Variants in XPO1 observed in about 807,000 individuals in gnomAD.
The protein encoded by XPO1 is exportin-1.
A neutral mutation model predicts 133.3 loss-of-function variants in XPO1; 5 were observed. The observed-to-expected ratio is 0.04, with a 90% CI of 0.02 to 0.08. The LOEUF is 0.08. Among genes scored for constraint, XPO1 ranks in the 10% least tolerant of loss-of-function variants. XPO1 has a pLI of 1.00. For synonymous variants in XPO1, 419 were observed against 408.2 expected, an observed-to-expected ratio of 1.03 and a Z score of -0.32; for missense variants, 506 against 1,267.5, an observed-to-expected ratio of 0.40 and a Z score of 9.12.
intron 3 of XPO1, among the ~76,000 whole-genome samples, chr2:61,524,740 G>T (rs1364446391): frequency 6.6e-6 from 1 of 152,208 alleles, no homozygotes; most frequent in African/African-American, 2.4e-5. Context: ...AACACAGGGA[G>T]ACCCCACTTC....
chr2:61,503,389 C>T (rs1247411927), intron 4 of XPO1, among the ~76,000 whole-genome samples: 5 of 151,330 alleles, frequency 3.3e-5, no homozygotes, highest in African/African-American at 1.2e-4. Context: ...GCATCCTGAG[C>T]AGCTGGGATT....
rs539271028 is a variant in XPO1 at position 61,516,140 on chromosome 2, A to G, written c.301+6471T>C. Among the ~76,000 whole-genome samples the G allele has an allele frequency of 2.4e-3, 345 of 142,888 alleles. 1 individual carries two copies. The highest frequency in any genetic ancestry group is 4.0e-3 in the Non-Finnish European group (261 of 65,146). The allele number at this position is 142,888 out of a possible 152,430, so 93.7% of individuals were successfully genotyped here. ...AACTCCGTCGCAAAATTAAAAAAAA[A>G]CAAAACAAAACAAAACCAACCTTGC... On this transcript the variant is annotated intron_variant, in intron 4 of 24. Coordinates refer to ENST00000401558, the MANE Select transcript of XPO1 (RefSeq NM_003400.4).
rs886752919 is a variant in XPO1, at chr2:61,477,885, A to C, written c.*935T>G. Reference sequence around the variant, plus strand: ...AAATGTTACTTGATGCTTAAACACAAATACCCACTATCATTAATATAGGAA... The same window carrying C: ...AAATGTTACTTGATGCTTAAACACACATACCCACTATCATTAATATAGGAA... On this transcript the variant is annotated 3_prime_UTR_variant, in exon 25 of 25. Transcript: ENST00000401558. 2 of 205,332 alleles carry C rather than the reference A, an allele frequency of 9.7e-6. No homozygotes were observed. Among genetic ancestry groups the C allele is most frequent in the African/African-American group, 4.6e-5 (2 of 43,790 alleles). 12.7% of individuals were successfully genotyped at this position (205,332 alleles called of 1,614,324 possible).
intron 4 of XPO1, among the ~76,000 whole-genome samples, chr2:61,504,793 TTTA>T (rs1697714732): frequency 6.6e-6 from 1 of 152,180 alleles, no homozygotes; most frequent in Non-Finnish European, 1.5e-5. Context: ...TTATATAATT[TTTA>T]TTAACTATGA....
intron 9 of XPO1, 67 bp downstream of exon 9, chr2:61,498,606 A>G: frequency 6.3e-7 from 1 of 1,581,276 alleles, no homozygotes; most frequent in Non-Finnish European, 8.6e-7. Context: ...CAGAGATGAG[A>G]GCTTTACATG....
intron 16 of XPO1, among the ~76,000 whole-genome samples, chr2:61,491,078 G>A (rs1696958768): frequency 6.6e-6 from 1 of 152,052 alleles, no homozygotes; most frequent in Non-Finnish European, 1.5e-5. Context: ...GAACCTGGGA[G>A]GCAGAGGTTG....
rs2104491276 is a variant in XPO1 at position 61,498,762 on chromosome 2, C to T, written c.670G>A (p.Ala224Thr). 6.2e-7 allele frequency: 1 copy of T among 1,614,040 alleles called. No homozygotes were observed. The highest frequency in any genetic ancestry group is 8.5e-7 in the Non-Finnish European group (1 of 1,179,970). The change falls in exon 9 of 25, where the codon GCA (alanine) becomes ACA (threonine). Residue 224 changes from alanine to threonine, a missense_variant. Ala to Thr is a moderately conservative substitution (Grantham distance 58). Around this residue, in one of 6 missense-constraint regions of XPO1, gnomAD observed 134 missense variants for 261.6 expected, o/e 0.51. Coordinates refer to ENST00000401558, the MANE Select transcript of XPO1 (RefSeq NM_003400.4). ...AATCTGAGCAATGTTTCCAAGGTTGCATGTACAAGTGGAGCATTTTGAGAA... is the reference window on the plus strand; with the variant it reads ...AATCTGAGCAATGTTTCCAAGGTTGTATGTACAAGTGGAGCATTTTGAGAA... ...ENSQNAPLVH[A>T]TLETLLRFLN...
rs71405128 is a variant in XPO1, at chr2:61,506,598, C to CAAAAAA, written c.302-4294_302-4289dup. ...TGGGCGACAGAGCAAGATTCCGTCT[C>CAAAAAA]AAAAAAAAAAAAAAAAATCCAATGT... On this transcript the variant is annotated intron_variant, in intron 4 of 24. Coordinates refer to ENST00000401558, the MANE Select transcript of XPO1 (RefSeq NM_003400.4). Among the ~76,000 whole-genome samples, 64 of 81,408 alleles carry CAAAAAA rather than the reference C, an allele frequency of 7.9e-4. 9 individuals carry two copies. The highest frequency in any genetic ancestry group is 2.5e-3 in the African/African-American group (50 of 19,860). The allele number at this position is 81,408 out of a possible 152,430, so 53.4% of individuals were successfully genotyped here. A position where few individuals can be genotyped will look rare whatever the true frequency, so the allele number is the denominator to read the frequency against.
intron 2 of XPO1, 122 bp from the exon 3 acceptor site, chr2:61,526,643 C>G: frequency 1.6e-6 from 1 of 632,640 alleles, no homozygotes; most frequent in Non-Finnish European, 2.4e-6. Context: ...TATTGATGTT[C>G]AGAAATACTC....
rs1440081118 is a variant in XPO1, at chr2:61,489,856, T to C, written c.2022+786A>G. Among the ~76,000 whole-genome samples, 3 of 150,154 alleles carry C rather than the reference T, an allele frequency of 2.0e-5. No individual in the cohort carries two copies. In the East Asian group the frequency reaches 6.0e-4, roughly 30 times the overall value. On this transcript the variant is annotated intron_variant, in intron 17 of 24. Transcript: ENST00000401558. ...GGCATGAGCCACCACACCCAGCCTATTCCTATTTTAATATCAAATGAGAAT... is the reference window on the plus strand; with the variant it reads ...GGCATGAGCCACCACACCCAGCCTACTCCTATTTTAATATCAAATGAGAAT...
intron 10 of XPO1, among the ~76,000 whole-genome samples, chr2:61,496,125 A>AT (rs969534683): frequency 6.6e-6 from 1 of 152,182 alleles, no homozygotes. Context: ...CAGCCTTTAA[A>AT]TTTTTCTAGT....
At chr2:61,534,983 G>A (rs990257475) in intron 1 of XPO1, among the ~76,000 whole-genome samples, 4 of 152,100 alleles carry the variant, frequency 2.6e-5, no homozygotes, top group Non-Finnish European at 5.9e-5. Context: ...GTATTCATTG[G>A]CAAGGTAAAA....
Position 61,533,821 on chromosome 2 carries a change from T to C in XPO1, c.77A>G (p.Asn26Ser), listed in dbSNP as rs776649789. 4.3e-6 allele frequency: 7 copies of C among 1,609,346 alleles called. No homozygotes were observed. Among genetic ancestry groups the C allele is most frequent in the East Asian group, 2.2e-5 (1 of 44,636 alleles). The change falls in exon 2 of 25, where the codon AAC becomes AGC. Residue 26 changes from asparagine (N) to serine (S), a missense_variant. By Grantham distance (46) the Asn-to-Ser change is conservative (BLOSUM62 1). Around this residue, in one of 6 missense-constraint regions of XPO1, gnomAD observed 68 missense variants for 210.5 expected, o/e 0.32. Coordinates refer to ENST00000401558, the MANE Select transcript of XPO1 (RefSeq NM_003400.4). The stretch of plus-strand genomic sequence containing the variant: ...GCAATTCACCACATTATCTAATAAG[T>C]TGATATCCAGTTTTTGGCTGAAATC... ...LLDFSQKLDI[N>S]LLDNVVNCLY...
intron 23 of XPO1, among the ~76,000 whole-genome samples, chr2:61,481,575 T>C (rs951338009): frequency 6.6e-6 from 1 of 152,016 alleles, no homozygotes; most frequent in African/African-American, 2.4e-5. Flanking sequence ...GCCTCCCAAG[T>C]AGCTGGGATT....
intron 6 of XPO1, among the ~76,000 whole-genome samples, chr2:61,501,585 TG>T (rs1441981193): frequency 6.6e-6 from 1 of 151,074 alleles, no homozygotes; most frequent in Non-Finnish European, 1.5e-5. Context: ...TAGCCAAACG[TG>T]GTGGTAAGCA....
intron 24 of XPO1, 39 bp downstream of exon 24, chr2:61,481,146 C>T (rs1478778143): frequency 1.4e-6 from 2 of 1,412,758 alleles, no homozygotes; most frequent in South Asian, 2.5e-5. Flanking sequence ...GTGGTCACAT[C>T]TACCCCTAAT....
chr2:61,496,656 C>T (rs1014530698), intron 10 of XPO1, among the ~76,000 whole-genome samples: 2 of 152,124 alleles, frequency 1.3e-5, no homozygotes, highest in Non-Finnish European at 2.9e-5. Flanking sequence ...AGACCAAGCT[C>T]CTAAAGTGTG....
chr2:61,528,908 T>C (rs1230780657), intron 2 of XPO1, among the ~76,000 whole-genome samples: 3 of 152,056 alleles, frequency 2.0e-5, no homozygotes, highest in East Asian at 1.9e-4. Flanking sequence ...TATAACTCAA[T>C]TAGATCCTTC....
rs199777695 is a variant in XPO1, at chr2:61,502,960, CTTTTCTTTTT to C, written c.302-660_302-651del. On this transcript the variant is annotated intron_variant, in intron 4 of 24. Transcript: ENST00000401558. ...CATCCTGATTTGGTTCCATGTGTTT[CTTTTCTTTTT>C]TTTTTTTTTTTTTGAGACGGAGTCC... 7.5e-3 allele frequency among the ~76,000 whole-genome samples: 716 copies of C among 94,920 alleles called. 6 individuals are homozygous for C. Among genetic ancestry groups the C allele is most frequent in the African/African-American group, 0.034 (679 of 19,880 alleles). 62.3% of individuals were successfully genotyped at this position (94,920 alleles called of 152,430 possible).
Sources: allele counts gnomAD v4.1 joint callset (sites outside exome capture counted in the v4.1 genomes callset), GRCh38; gene constraint gnomAD v4.1.1; regional missense constraint gnomAD v4.1.1; transcripts MANE v1.5; gene names NCBI Gene and HGNC (gene_info 2026-07-23, HGNC 2026-07-21).